NLRP1: variants seen among roughly 807,000 people sequenced by gnomAD.
The protein encoded by NLRP1 is NLR family pyrin domain containing 1.
Under a neutral mutation model 136.7 loss-of-function variants are expected in NLRP1, and 94 were observed. That is an observed-to-expected ratio of 0.69 (90% CI 0.58 to 0.82). The LOEUF is 0.82. Among genes scored for constraint, NLRP1 ranks in the 40% least tolerant of loss-of-function variants. The pLI is 0.00. For missense variants in NLRP1, 1,575 were observed against 1,802.7 expected, an observed-to-expected ratio of 0.87 and a Z score of 2.29; for synonymous variants, 690 against 725.1, an observed-to-expected ratio of 0.95 and a Z score of 0.78.
intron 3 of NLRP1, among the ~76,000 whole-genome samples, chr17:5,562,727 G>T (rs1914897688): frequency 6.6e-6 from 1 of 152,138 alleles, no homozygotes; most frequent in African/African-American, 2.4e-5. Context: ...GAAAACTAAG[G>T]CAAAGGCTCC....
At chr17:5,579,192 A>C (rs1414708838) in intron 3 of NLRP1, among the ~76,000 whole-genome samples, 1 of 151,996 alleles carries the variant, frequency 6.6e-6, no homozygotes, top group Non-Finnish European at 1.5e-5. Flanking sequence ...GCACACCAGC[A>C]TGGCACATGC....
At position 5,564,442 on chromosome 17, in the gene NLRP1, G is replaced by A. The variant is rs576674779; in HGVS notation, c.653-4399C>T. On this transcript the variant is annotated intron_variant, in intron 3 of 16. Transcript: ENST00000572272. ...AGTTTTAGATCCCACAAATAAGTGA[G>A]AACATGTGATGTTTGTCTTCCTGTG... Among the ~76,000 whole-genome samples the A allele has an allele frequency of 3.3e-5, 5 of 152,258 alleles. No individual in the cohort carries two copies. The East Asian group carries it at 9.7e-4, about 29-fold the overall frequency.
intron 3 of NLRP1, among the ~76,000 whole-genome samples, chr17:5,568,967 C>A (rs758420673): frequency 6.7e-6 from 1 of 149,832 alleles, no homozygotes; most frequent in Admixed American, 6.7e-5. Flanking sequence ...CAAGCACCCC[C>A]GTGGCCACCT....
chr17:5,566,387 T>G (rs1219953882), intron 3 of NLRP1, among the ~76,000 whole-genome samples: 1 of 152,072 alleles, frequency 6.6e-6, no homozygotes, highest in Non-Finnish European at 1.5e-5. Flanking sequence ...AAATTTTTCT[T>G]TCTTTATTTT....
At chr17:5,515,651 T>C (rs1019817542) in intron 15 of NLRP1, 134 bp from the exon 16 acceptor site, 6 of 738,332 alleles carry the variant, frequency 8.1e-6, no homozygotes, top group East Asian at 2.7e-5. Flanking sequence ...TCTGGTAGAA[T>C]CTGGAGTAAG....
intron 10 of NLRP1, 54 bp downstream of exon 10, chr17:5,533,250 T>C (rs199661773): frequency 7.1e-6 from 11 of 1,551,172 alleles, no homozygotes; most frequent in South Asian, 1.2e-5. Context: ...GGTGGGCAGG[T>C]TGAGAGAGAA....
At chr17:5,515,352 C>T in intron 16 of NLRP1, 121 bp downstream of exon 16, 1 of 894,534 alleles carries the variant, frequency 1.1e-6, no homozygotes. Context: ...CTCTCCAGGG[C>T]CTGACTCTTT....
At chr17:5,550,862 T>C (rs887154113) in intron 5 of NLRP1, among the ~76,000 whole-genome samples, 1 of 152,218 alleles carries the variant, frequency 6.6e-6, no homozygotes, top group East Asian at 1.9e-4. Context: ...TCTTCTTCAA[T>C]AGACTTTATT....
At chr17:5,540,864 G>A (rs373059557) in intron 6 of NLRP1, among the ~76,000 whole-genome samples, 8 of 152,154 alleles carry the variant, frequency 5.3e-5, no homozygotes, top group Admixed American at 3.9e-4. Flanking sequence ...AGGAAGGGAC[G>A]TGTGATGTGT....
At chr17:5,561,426 G>GTTTTTT (rs61194384) in intron 3 of NLRP1, among the ~76,000 whole-genome samples, 2 of 50,426 alleles carry the variant, frequency 4.0e-5, no homozygotes, top group African/African-American at 1.9e-4. Flanking sequence ...ATGCCATGTG[G>GTTTTTT]TTTTTTTTTT....
intron 12 of NLRP1, among the ~76,000 whole-genome samples, chr17:5,526,938 C>T (rs116562975): frequency 7.7e-4 from 118 of 152,340 alleles, no homozygotes; most frequent in African/African-American, 2.8e-3. Flanking sequence ...CGTTCAGCGA[C>T]GACAGTGATG....
chr17:5,558,343 C>A lies in NLRP1; in HGVS notation c.2353G>T (p.Val785Phe), dbSNP rs2151801460. The A allele has an allele frequency of 6.3e-7, 1 of 1,599,992 alleles. No homozygotes were observed. ...HRSTWSPTMV[V>F]LFRWVPVTDA... Reference sequence around the variant, plus strand: ...ATGGGTGGTTTGGGTACTCACAGGACTACCATGGTGGGGCTCCATGTTGAT... The same window carrying A: ...ATGGGTGGTTTGGGTACTCACAGGAATACCATGGTGGGGCTCCATGTTGAT... The change falls in exon 4 of 17, where the codon GTC becomes TTC. Residue 785 changes from valine (V) to phenylalanine (F), a missense_variant. Val to Phe is a conservative substitution (Grantham distance 50). Coordinates refer to ENST00000572272, the MANE Select transcript of NLRP1 (RefSeq NM_033004.4).
chr17:5,532,768 TG>T, intron 11 of NLRP1, 53 bp downstream of exon 11: 1 of 1,486,410 alleles, frequency 6.7e-7, no homozygotes, highest in Non-Finnish European at 9.0e-7. Context: ...GGACCCAGGA[TG>T]GGCAGTGGGG....
chr17:5,550,458 C>T (rs1452204779), intron 5 of NLRP1, among the ~76,000 whole-genome samples: 2 of 152,104 alleles, frequency 1.3e-5, no homozygotes, highest in Non-Finnish European at 2.9e-5. Flanking sequence ...CTCATTTCAT[C>T]TGGGTTATCT....
chr17:5,554,729 TA>T (rs1388611309), intron 4 of NLRP1, among the ~76,000 whole-genome samples: 1 of 151,948 alleles, frequency 6.6e-6, no homozygotes, highest in East Asian at 1.9e-4. Flanking sequence ...TACAAACATA[TA>T]AAAAAAGCCA....
At chr17:5,538,285 G>C (rs1241606431) in intron 7 of NLRP1, among the ~76,000 whole-genome samples, 1 of 152,146 alleles carries the variant, frequency 6.6e-6, no homozygotes, top group Non-Finnish European at 1.5e-5. Flanking sequence ...CCTCGGGGAA[G>C]GGCAAGAATC....
chr17:5,558,649 C>T lies in NLRP1; in HGVS notation c.2047G>A (p.Glu683Lys). The T allele has an allele frequency of 1.2e-6, 2 of 1,614,100 alleles. No homozygotes were observed. The highest frequency in any genetic ancestry group is 1.1e-5 in the South Asian group (1 of 91,072). The change falls in exon 4 of 17, where the codon GAG (glutamate) becomes AAG (lysine). Residue 683 changes from glutamate to lysine, a missense_variant. Coordinates refer to ENST00000572272, the MANE Select transcript of NLRP1 (RefSeq NM_033004.4). ...TGAAAGATGTTCTCCATCTCTCTCT[C>T]CCCCTCATCACTTAACAGGCCCAAT... ...FLLGLLSDEG[E>K]REMENIFHCR...
chr17:5,553,400 G>GA lies in NLRP1; in HGVS notation c.2513dup (p.Leu839ProfsTer14), dbSNP rs774360167. 31 of 1,613,018 alleles carry GA rather than the reference G, an allele frequency of 1.9e-5. No individual in the cohort carries two copies. Among genetic ancestry groups the GA allele is most frequent in the Non-Finnish European group, 2.5e-5 (30 of 1,179,544 alleles). On this transcript the variant is annotated frameshift_variant, in exon 5 of 17. Transcript: ENST00000572272. LOFTEE classifies it high-confidence loss of function. ...GCCAGACTCACCGCAGGGTCTCCAG[G>GA]AGGCAGCGAGGGCGTCTCAGGGTCT... is the stretch of plus-strand genomic sequence containing the variant.
intron 16 of NLRP1, 140 bp from the exon 17 acceptor site, chr17:5,515,213 T>A: frequency 2.3e-6 from 2 of 882,158 alleles, no homozygotes; most frequent in Non-Finnish European, 3.5e-6. Flanking sequence ...TGGCAGCATC[T>A]AGCTTGGCAT....
Sources: allele counts gnomAD v4.1 joint callset (sites outside exome capture counted in the v4.1 genomes callset), GRCh38; gene constraint gnomAD v4.1.1; transcripts MANE v1.5; gene names NCBI Gene and HGNC (gene_info 2026-07-23, HGNC 2026-07-21).